The following DDX10 variants were observed in gnomAD, a reference collection of about 807,000 sequenced individuals.
The protein encoded by DDX10 is probable ATP-dependent RNA helicase DDX10.
DDX10 carries 74 observed loss-of-function variants against 104.3 expected under a neutral mutation model. That is an observed-to-expected ratio of 0.71 (90% CI 0.59 to 0.86). The LOEUF is 0.86. Among genes scored for constraint, DDX10 ranks in the 40% least tolerant of loss-of-function variants. DDX10 has a pLI of 0.00. For missense variants in DDX10, 952 were observed against 1,040.0 expected, an observed-to-expected ratio of 0.92 and a Z score of 1.16; for synonymous variants, 351 against 353.4, an observed-to-expected ratio of 0.99 and a Z score of 0.08.
intron 7 of DDX10, chr11:108,690,757 G>T: frequency 4.2e-6 from 1 of 238,908 alleles, no homozygotes; most frequent in East Asian, 1.2e-4. Flanking sequence ...TGATGGGCAG[G>T]AGAAGAGATA....
At chr11:108,777,457 G>A (rs151281923) in intron 13 of DDX10, among the ~76,000 whole-genome samples, 223 of 152,096 alleles carry the variant, frequency 1.5e-3, no homozygotes, top group African/African-American at 5.2e-3. Context: ...CGAGTAGCTG[G>A]GATTACAGGC....
At chr11:108,853,029 A>G (rs1480260654) in intron 16 of DDX10, among the ~76,000 whole-genome samples, 2 of 152,168 alleles carry the variant, frequency 1.3e-5, no homozygotes, top group Non-Finnish European at 2.9e-5. Context: ...CAAGTCAGAG[A>G]TGATAACTCA....
chr11:108,796,716 C>T (rs1861945881), intron 13 of DDX10, among the ~76,000 whole-genome samples: 1 of 152,098 alleles, frequency 6.6e-6, no homozygotes, highest in Non-Finnish European at 1.5e-5. Context: ...ATGTGTCCTC[C>T]AAAGTTATTG....
At chr11:108,892,664 A>G (rs1038692439) in intron 16 of DDX10, among the ~76,000 whole-genome samples, 1 of 152,208 alleles carries the variant, frequency 6.6e-6, no homozygotes, top group African/African-American at 2.4e-5. Context: ...AGTGAAAAAT[A>G]TATTTAAAAA....
At chr11:108,828,387 G>C in intron 13 of DDX10, among the ~76,000 whole-genome samples, 1 of 152,146 alleles carries the variant, frequency 6.6e-6, no homozygotes, top group South Asian at 2.1e-4. Flanking sequence ...TCACATATGA[G>C]TGAGAACATT....
intron 9 of DDX10, among the ~76,000 whole-genome samples, chr11:108,700,829 C>A (rs758577106): frequency 6.6e-6 from 1 of 151,126 alleles, no homozygotes; most frequent in Non-Finnish European, 1.5e-5. Flanking sequence ...CTTTGATTTG[C>A]GGTTTCTTTT....
At chr11:108,795,179 G>A (rs1861923566) in intron 13 of DDX10, among the ~76,000 whole-genome samples, 2 of 149,614 alleles carry the variant, frequency 1.3e-5, no homozygotes, top group Non-Finnish European at 3.0e-5. Flanking sequence ...TCTTGGTAAT[G>A]TTTGACTCAG....
At chr11:108,851,278 A>C (rs1862789282) in intron 15 of DDX10, among the ~76,000 whole-genome samples, 1 of 152,186 alleles carries the variant, frequency 6.6e-6, no homozygotes, top group Non-Finnish European at 1.5e-5. Flanking sequence ...CCACAAGCTA[A>C]AGCCAGCTCA....
intron 7 of DDX10, chr11:108,690,694 A>G: frequency 5.7e-6 from 1 of 176,784 alleles, no homozygotes; most frequent in South Asian, 1.1e-4. Context: ...TAATCTTTGA[A>G]ACCTCATTCT....
chr11:108,827,914 G>T (rs1034960336), intron 13 of DDX10, among the ~76,000 whole-genome samples: 2 of 151,992 alleles, frequency 1.3e-5, no homozygotes, highest in African/African-American at 4.8e-5. Context: ...ATCTTTATTT[G>T]TGGTAGAAGA....
rs559783906 is a variant in DDX10 at position 108,843,529 on chromosome 11, G to A, written c.2247+2053G>A. ...AATCCCAGCACTTTGGGAGGCTGAG[G>A]TGAGTGGATCACGAGGTCAGGAGTT... On this transcript the variant is annotated intron_variant, in intron 15 of 17. Transcript: ENST00000322536. Among the ~76,000 whole-genome samples, 11 of 152,004 alleles carry A rather than the reference G, an allele frequency of 7.2e-5. No homozygotes were observed. In the South Asian group the frequency reaches 2.3e-3, roughly 32 times the overall value.
chr11:108,893,376 G>A (rs891936787), intron 16 of DDX10, among the ~76,000 whole-genome samples: 6 of 151,988 alleles, frequency 3.9e-5, no homozygotes, highest in East Asian at 1.9e-4. Context: ...CTCTACTACC[G>A]TATTTTTCTA....
At chr11:108,763,892 T>A (rs182911634) in intron 13 of DDX10, among the ~76,000 whole-genome samples, 2 of 152,358 alleles carry the variant, frequency 1.3e-5, no homozygotes, top group Non-Finnish European at 1.5e-5. Flanking sequence ...TCAAAGGGAA[T>A]ATGCTGTGTT....
At chr11:108,758,574 T>C (rs1184350009) in intron 13 of DDX10, among the ~76,000 whole-genome samples, 1 of 152,078 alleles carries the variant, frequency 6.6e-6, no homozygotes, top group Non-Finnish European at 1.5e-5. Context: ...ATAATGCTGT[T>C]TCCCTTTCTG....
intron 13 of DDX10, among the ~76,000 whole-genome samples, chr11:108,801,734 G>T (rs1178493821): frequency 6.6e-6 from 1 of 151,472 alleles, no homozygotes; most frequent in Non-Finnish European, 1.5e-5. Context: ...TCAAATCCAG[G>T]TTTGTTTTTT....
At chr11:108,777,994 G>A (rs1038959355) in intron 13 of DDX10, among the ~76,000 whole-genome samples, 21 of 152,156 alleles carry the variant, frequency 1.4e-4, no homozygotes, top group Non-Finnish European at 2.9e-5. Context: ...CAAGGGATGC[G>A]AAGGACCTCT....
At chr11:108,907,870 G>A (rs1353135831) in intron 16 of DDX10, among the ~76,000 whole-genome samples, 5 of 152,088 alleles carry the variant, frequency 3.3e-5, no homozygotes, top group Non-Finnish European at 5.9e-5. Context: ...TTTCTAGGAG[G>A]CAGATAAACT....
chr11:108,739,071 C>G (rs557165517), intron 13 of DDX10, among the ~76,000 whole-genome samples: 95 of 152,248 alleles, frequency 6.2e-4, no homozygotes, highest in East Asian at 2.5e-3. Context: ...CTCTGCCCCC[C>G]CAGGGAGACA....
At position 108,757,437 on chromosome 11, in the gene DDX10, T is replaced by C. The variant is rs180939797; in HGVS notation, c.1965+33975T>C. On this transcript the variant is annotated intron_variant, in intron 13 of 17. Transcript: ENST00000322536. The stretch of plus-strand genomic sequence containing the variant: ...GGATTTGGAAACAGTTGTGTGCACA[T>C]GTCACACTTCTATTTATTATGATAA... 1.0e-3 allele frequency among the ~76,000 whole-genome samples: 154 copies of C among 152,182 alleles called. 1 individual carries two copies. The highest frequency in any genetic ancestry group is 3.5e-4 in the Non-Finnish European group (24 of 67,976).
Sources: gnomAD v4.1 joint callset for allele counts (sites outside exome capture counted in the v4.1 genomes callset) on GRCh38, gnomAD v4.1.1 for gene constraint, MANE v1.5 for transcripts, NCBI Gene and HGNC (gene_info 2026-07-23, HGNC 2026-07-21) for gene names.